CHMP4C: variants seen among roughly 807,000 people sequenced by gnomAD.
CHMP4C encodes the protein charged multivesicular body protein 4C, also known as SNF7 homolog associated with Alix 3.
A neutral mutation model predicts 29.0 loss-of-function variants in CHMP4C; 28 were observed. That is an observed-to-expected ratio of 0.97 (90% CI 0.72 to 1.32). CHMP4C has a LOEUF of 1.32. CHMP4C is among the 40% of genes most tolerant of loss of function. CHMP4C has a pLI of 0.00. For missense variants in CHMP4C, 291 were observed against 281.0 expected (o/e 1.04, Z -0.25); for synonymous variants, 106 against 102.4 (o/e 1.04, Z -0.21).
intron 3 of CHMP4C, among the ~76,000 whole-genome samples, chr8:81,756,386 A>G (rs1808972162): frequency 1.3e-5 from 2 of 152,158 alleles, no homozygotes; most frequent in Admixed American, 1.3e-4. Context: ...CAATATTACT[A>G]TTTGGGCCTT....
At chr8:81,737,186 ACTT>A (rs1808702567) in intron 1 of CHMP4C, among the ~76,000 whole-genome samples, 2 of 152,180 alleles carry the variant, frequency 1.3e-5, no homozygotes, top group Admixed American at 6.5e-5. Context: ...TTTTTGTTCT[ACTT>A]CTTCTGAGCA....
Position 81,758,122 on chromosome 8 carries a change from T to G in CHMP4C, c.484-20T>G, listed in dbSNP as rs1808993194. 6.2e-7 allele frequency: 1 copy of G among 1,611,834 alleles called. No individual in the cohort carries two copies. Among genetic ancestry groups the G allele is most frequent in the South Asian group, 1.1e-5 (1 of 90,820 alleles). On this transcript the variant is annotated intron_variant, in intron 3 of 4. Coordinates refer to ENST00000297265, the MANE Select transcript of CHMP4C (RefSeq NM_152284.4). Reference sequence around the variant, plus strand: ...TCTTGAAACGTTAACTCCATAATTCTTCCTTTCTCCTGTGTTCAGGATGAG... The same window carrying G: ...TCTTGAAACGTTAACTCCATAATTCGTCCTTTCTCCTGTGTTCAGGATGAG...
chr8:81,748,033 G>A (rs1015611772), intron 1 of CHMP4C, among the ~76,000 whole-genome samples: 6 of 150,588 alleles, frequency 4.0e-5, no homozygotes, highest in South Asian at 4.2e-4. Context: ...GGTACGCCCC[G>A]GGGCGGCCAG....
intron 1 of CHMP4C, among the ~76,000 whole-genome samples, chr8:81,735,918 C>G (rs1332689951): frequency 1.3e-5 from 2 of 151,928 alleles, no homozygotes; most frequent in African/African-American, 4.8e-5. Context: ...GAAACCCCAT[C>G]TCTACTAAAA....
At chr8:81,753,721 G>A (rs1237143959) in intron 2 of CHMP4C, among the ~76,000 whole-genome samples, 1 of 152,124 alleles carries the variant, frequency 6.6e-6, no homozygotes, top group Admixed American at 6.6e-5. Context: ...GAATAGTCAT[G>A]AGCATGGATT....
At chr8:81,740,623 T>A (rs533160215) in intron 1 of CHMP4C, among the ~76,000 whole-genome samples, 1 of 152,346 alleles carries the variant, frequency 6.6e-6, no homozygotes, top group African/African-American at 2.4e-5. Context: ...CTGACCCACA[T>A]TTCTACTCCT....
intron 1 of CHMP4C, among the ~76,000 whole-genome samples, chr8:81,740,833 G>C (rs1808754651): frequency 6.6e-6 from 1 of 152,162 alleles, no homozygotes; most frequent in African/African-American, 2.4e-5. Flanking sequence ...CTGTTTCAAG[G>C]GATCTGGAAT....
chr8:81,758,786 A>G lies in CHMP4C; in HGVS notation c.*242A>G. On this transcript the variant is annotated 3_prime_UTR_variant, in exon 5 of 5. Coordinates refer to ENST00000297265, the MANE Select transcript of CHMP4C (RefSeq NM_152284.4). Reference sequence around the variant, plus strand: ...GCACTTTGGGAGGCTGAGGCAGTTGAGACCAGGAGTTCGAGTCCAGCCTGA... The same window carrying G: ...GCACTTTGGGAGGCTGAGGCAGTTGGGACCAGGAGTTCGAGTCCAGCCTGA... The G allele has an allele frequency of 2.3e-6, 1 of 435,990 alleles. No individual in the cohort carries two copies. The highest frequency in any genetic ancestry group is 4.0e-5 in the East Asian group (1 of 24,966). 27.0% of individuals were successfully genotyped at this position (435,990 alleles called of 1,614,324 possible).
At chr8:81,755,526 TAAAG>T in intron 3 of CHMP4C, 42 bp downstream of exon 3, 3 of 1,182,764 alleles carry the variant, frequency 2.5e-6, no homozygotes, top group Non-Finnish European at 3.8e-6. Flanking sequence ...GTGGCTGCTA[TAAAG>T]AGTAGCTTCC....
intron 2 of CHMP4C, 80 bp from the exon 3 acceptor site, chr8:81,755,286 AACTG>A (rs1285125931): frequency 6.7e-6 from 4 of 598,832 alleles, no homozygotes; most frequent in Non-Finnish European, 8.4e-6. Context: ...ATATTAAATG[AACTG>A]ACTTTTTATA....
chr8:81,741,941 C>T (rs1808767179), intron 1 of CHMP4C, among the ~76,000 whole-genome samples: 1 of 152,112 alleles, frequency 6.6e-6, no homozygotes. Context: ...AAATATGAAA[C>T]ATACAGTATG....
intron 3 of CHMP4C, 106 bp from the exon 4 acceptor site, chr8:81,758,035 TG>T (rs1334963212): frequency 1.1e-5 from 10 of 943,184 alleles, no homozygotes; most frequent in Non-Finnish European, 1.6e-5. Flanking sequence ...TCCATTTCAC[TG>T]GGTTCTCACA....
chr8:81,756,809 T>C (rs757255212), intron 3 of CHMP4C, among the ~76,000 whole-genome samples: 1 of 152,200 alleles, frequency 6.6e-6, no homozygotes, highest in Non-Finnish European at 1.5e-5. Flanking sequence ...CTGCCATTAC[T>C]ATATTTATGG....
chr8:81,736,663 C>G (rs538440013), intron 1 of CHMP4C, among the ~76,000 whole-genome samples: 20 of 152,248 alleles, frequency 1.3e-4, no homozygotes, highest in South Asian at 4.2e-4. Flanking sequence ...GTGCGCACCT[C>G]TAATAGGGCA....
intron 2 of CHMP4C, among the ~76,000 whole-genome samples, chr8:81,754,775 A>G (rs950680130): frequency 6.6e-6 from 1 of 152,158 alleles, no homozygotes; most frequent in South Asian, 2.1e-4. Context: ...AGCTACCTAG[A>G]TTTATTTGCT....
intron 1 of CHMP4C, among the ~76,000 whole-genome samples, chr8:81,747,303 A>G (rs1808837523): frequency 6.6e-6 from 1 of 152,102 alleles, no homozygotes. Flanking sequence ...TTTACTAAGA[A>G]ATATGACATA....
At chr8:81,756,852 AG>A (rs1563623887) in intron 3 of CHMP4C, among the ~76,000 whole-genome samples, 1 of 152,198 alleles carries the variant, frequency 6.6e-6, no homozygotes, top group East Asian at 1.9e-4. Flanking sequence ...GAGCAGAAAT[AG>A]GACGCCAGGG....
Position 81,753,223 on chromosome 8 carries a change from A to G in CHMP4C, c.350A>G (p.Lys117Arg). ...ATGGGCTTTGCAGCAAAAGCGATGA[A>G]ATCTGTTCATGAAAACATGTGAGTG... ...RNMGFAAKAM[K>R]SVHENMDLNK... is the part of the protein sequence containing the mutation. Residue 117 changes from lysine (K) to arginine (R), a missense_variant, in exon 2 of 5, where the codon AAA becomes AGA. Physicochemically the swap from Lys to Arg is conservative, Grantham distance 26 (BLOSUM62 2). Coordinates refer to ENST00000297265, the MANE Select transcript of CHMP4C (RefSeq NM_152284.4). 1 of 1,604,348 alleles carries G rather than the reference A, an allele frequency of 6.2e-7. No individual in the cohort carries two copies. Among genetic ancestry groups the G allele is most frequent in the Non-Finnish European group, 8.5e-7 (1 of 1,175,708 alleles).
chr8:81,755,820 C>T (rs1808965611), intron 3 of CHMP4C, among the ~76,000 whole-genome samples: 1 of 152,164 alleles, frequency 6.6e-6, no homozygotes, highest in Non-Finnish European at 1.5e-5. Flanking sequence ...TAGACTTCGT[C>T]ATTCTGCATG....
Sources: gnomAD v4.1 joint callset for allele counts (sites outside exome capture counted in the v4.1 genomes callset) on GRCh38, gnomAD v4.1.1 for gene constraint, MANE v1.5 for transcripts, NCBI Gene and HGNC (gene_info 2026-07-23, HGNC 2026-07-21) for gene names.